LEPR: variants seen among roughly 807,000 people sequenced by gnomAD.
The protein encoded by LEPR is leptin receptor, also known as OB receptor.
In LEPR, 56 loss-of-function variants were observed where a neutral mutation model predicts 114.7. That is an observed-to-expected ratio of 0.49 (90% CI 0.39 to 0.61). LEPR has a LOEUF of 0.61. Ranked by LOEUF, LEPR falls within the 20% of genes least tolerant of loss-of-function variation. LEPR has a pLI of 0.00. For missense variants in LEPR, 1,202 were observed against 1,352.9 expected (o/e 0.89, Z 1.75); for synonymous variants, 443 against 461.4 (o/e 0.96, Z 0.51).
rs1425456175 is a variant in LEPR, at chr1:65,639,441, T to C, written c.*2426T>C. On this transcript the variant is annotated 3_prime_UTR_variant, in exon 20 of 20. Transcript: ENST00000349533. The stretch of plus-strand genomic sequence containing the variant: ...ATTCTGATTTCCACTTTTGAAAGTT[T>C]ATTTCACTATGTATCATTACATTTT... The C allele has an allele frequency of 1.3e-5, 2 of 152,236 alleles. No individual in the cohort carries two copies. Among genetic ancestry groups the C allele is most frequent in the Non-Finnish European group, 2.9e-5 (2 of 68,042 alleles). 9.4% of individuals were successfully genotyped at this position (152,236 alleles called of 1,614,324 possible). A position where few individuals can be genotyped will look rare whatever the true frequency, so the allele number is the denominator to read the frequency against.
At chr1:65,526,144 A>G (rs1276770263) in intron 2 of LEPR, 51 of 887,738 alleles carry the variant, frequency 5.7e-5, no homozygotes, top group Non-Finnish European at 6.2e-5. Context: ...CTTCTTTTCC[A>G]GGCTTCGTGC....
chr1:65,551,866 C>T (rs1426835859), intron 2 of LEPR, among the ~76,000 whole-genome samples: 4 of 152,164 alleles, frequency 2.6e-5, no homozygotes, highest in Non-Finnish European at 5.9e-5. Flanking sequence ...TCCCTCTAAA[C>T]ACCGCTTTAT....
At chr1:65,636,046 A>G in intron 19 of LEPR, 145 bp from the exon 20 acceptor site, 1 of 870,922 alleles carries the variant, frequency 1.1e-6, no homozygotes, top group South Asian at 1.6e-5. Flanking sequence ...TTTTTGATAT[A>G]TGTATTTTAG....
At chr1:65,505,457 T>C (rs1411512362) in intron 2 of LEPR, among the ~76,000 whole-genome samples, 1 of 152,212 alleles carries the variant, frequency 6.6e-6, no homozygotes, top group East Asian at 1.9e-4. Flanking sequence ...CTGCCGTTTT[T>C]TGACCTTGTT....
At chr1:65,534,676 A>G (rs915541519) in intron 2 of LEPR, among the ~76,000 whole-genome samples, 1 of 152,222 alleles carries the variant, frequency 6.6e-6, no homozygotes, top group East Asian at 1.9e-4. Flanking sequence ...GTGAGTGCAC[A>G]TAAGTACAAG....
intron 2 of LEPR, chr1:65,435,322 C>A: frequency 1.0e-6 from 1 of 982,306 alleles, no homozygotes; most frequent in Non-Finnish European, 1.2e-6. Context: ...TTTATGTTCT[C>A]AGGGAAATGC....
intron 2 of LEPR, among the ~76,000 whole-genome samples, chr1:65,507,300 C>T (rs932663685): frequency 2.6e-5 from 4 of 152,014 alleles, no homozygotes; most frequent in Non-Finnish European, 1.5e-5. Flanking sequence ...ATCTGTCTGC[C>T]TCAGCCTCCC....
chr1:65,447,139 C>T (rs1393707578), intron 2 of LEPR, among the ~76,000 whole-genome samples: 1 of 151,870 alleles, frequency 6.6e-6, no homozygotes, highest in Non-Finnish European at 1.5e-5. Flanking sequence ...TTGGATGGAT[C>T]ATAGTTTTGG....
chr1:65,509,508 T>G (rs1321658696), intron 2 of LEPR, among the ~76,000 whole-genome samples: 1 of 152,184 alleles, frequency 6.6e-6, no homozygotes, highest in African/African-American at 2.4e-5. Context: ...TTGAATGTGT[T>G]TTATAATGTC....
At chr1:65,503,969 A>G (rs1648595150) in intron 2 of LEPR, among the ~76,000 whole-genome samples, 1 of 152,138 alleles carries the variant, frequency 6.6e-6, no homozygotes, top group Admixed American at 6.6e-5. Flanking sequence ...GAAGCATACA[A>G]TATAAGTCTG....
intron 5 of LEPR, among the ~76,000 whole-genome samples, chr1:65,590,297 A>G (rs542506962): frequency 1.2e-5 from 1 of 81,460 alleles, no homozygotes; most frequent in Non-Finnish European, 2.5e-5. Flanking sequence ...CTGTGTAGCA[A>G]TATCGTGCTT....
At chr1:65,598,024 TTTA>T (rs1163547136) in intron 7 of LEPR, among the ~76,000 whole-genome samples, 1 of 151,806 alleles carries the variant, frequency 6.6e-6, no homozygotes, top group East Asian at 1.9e-4. Flanking sequence ...AGCCAGAGAA[TTTA>T]TTAACTTTGG....
At chr1:65,604,978 G>T in intron 10 of LEPR, 60 bp from the exon 11 acceptor site, 1 of 1,591,190 alleles carries the variant, frequency 6.3e-7, no homozygotes. Context: ...AGAATTCTCA[G>T]ATATCTTCTT....
At chr1:65,600,369 G>A (rs539055118) in intron 8 of LEPR, among the ~76,000 whole-genome samples, 2 of 151,990 alleles carry the variant, frequency 1.3e-5, no homozygotes, top group African/African-American at 4.8e-5. Context: ...TTTGATTATG[G>A]ACATACAAAA....
intron 2 of LEPR, among the ~76,000 whole-genome samples, chr1:65,539,023 A>G (rs1570638893): frequency 7.9e-6 from 1 of 126,340 alleles, no homozygotes; most frequent in Admixed American, 7.6e-5. Context: ...TCTTGGATTT[A>G]TTTTTAAGTG....
intron 2 of LEPR, chr1:65,434,387 A>T: frequency 3.0e-6 from 3 of 985,422 alleles, no homozygotes; most frequent in Non-Finnish European, 3.6e-6. Flanking sequence ...GAAAACTGAG[A>T]TTGCACTTCC....
Position 65,565,538 on chromosome 1 carries a change from T to G in LEPR, c.-20-8T>G. On this transcript the variant is annotated splice_polypyrimidine_tract_variant and splice_region_variant and intron_variant, in intron 2 of 19. Coordinates refer to ENST00000349533, the MANE Select transcript of LEPR (RefSeq NM_002303.6). ...TGTGTGTTCTGATTTTAGATTTACC[T>G]TTTCCAGGTGTACTTCTCTGAAGTA... 1.2e-6 allele frequency: 2 copies of G among 1,613,630 alleles called. No homozygotes were observed. The highest frequency in any genetic ancestry group is 4.5e-5 in the East Asian group (2 of 44,770).
At chr1:65,500,095 G>A (rs1270015116) in intron 2 of LEPR, among the ~76,000 whole-genome samples, 2 of 151,966 alleles carry the variant, frequency 1.3e-5, no homozygotes, top group African/African-American at 2.4e-5. Flanking sequence ...TTCCTCCATT[G>A]CTCTCCCTTT....
intron 2 of LEPR, chr1:65,432,890 A>G (rs1646506160): frequency 2.3e-6 from 2 of 875,748 alleles, no homozygotes; most frequent in Non-Finnish European, 2.7e-6. Flanking sequence ...CAAAAATCAT[A>G]AAACCGTATT....
Sources: allele counts gnomAD v4.1 joint callset (sites outside exome capture counted in the v4.1 genomes callset), GRCh38; gene constraint gnomAD v4.1.1; transcripts MANE v1.5; gene names NCBI Gene and HGNC (gene_info 2026-07-23, HGNC 2026-07-21).